Variants in TACC3 observed in about 807,000 individuals in gnomAD.
The protein encoded by TACC3 is transforming acidic coiled-coil-containing protein 3.
TACC3 carries 52 observed loss-of-function variants against 86.0 expected under a neutral mutation model. The observed-to-expected ratio is 0.60, with a 90% CI of 0.48 to 0.76. The LOEUF (loss-of-function observed/expected upper bound fraction) is 0.76, where lower values mean the gene tolerates loss of function less well. Ranked by LOEUF, TACC3 falls within the 30% of genes least tolerant of loss-of-function variation. The probability of loss-of-function intolerance (pLI) is 0.00; values close to 1 mark genes in which losing one functional copy is unlikely to be tolerated. For missense variants in TACC3, 1,120 were observed against 1,070.4 expected (o/e 1.05, Z -0.65); for synonymous variants, 512 against 430.0 (o/e 1.19, Z -2.36).
At position 1,740,978 on chromosome 4, in the gene TACC3, TACCGCAAGGTATGTCTCCGCC is replaced by T; in HGVS notation, c.2219_2223+16del. 1 of 1,606,120 alleles carries T rather than the reference TACCGCAAGGTATGTCTCCGCC, an allele frequency of 6.2e-7. No homozygotes were observed. Among genetic ancestry groups the T allele is most frequent in the East Asian group, 2.2e-5 (1 of 44,770 alleles). ...GAAACAGAAAGAGGTGATCGAGGGC[TACCGCAAGGTATGTCTCCGCC>T]ACCCTGGTGTCCTCACCTCGGAGGC... On this transcript the variant is annotated splice_donor_variant and splice_donor_5th_base_variant and coding_sequence_variant and intron_variant, in exon 13 of 16. Transcript: ENST00000313288. LOFTEE classifies it high-confidence loss of function.
intron 3 of TACC3, among the ~76,000 whole-genome samples, chr4:1,726,266 G>A (rs534581291): frequency 3.3e-5 from 5 of 152,190 alleles, no homozygotes; most frequent in African/African-American, 1.2e-4. Flanking sequence ...CCAGGGAGGC[G>A]TCGCAGAGGC....
At chr4:1,738,708 A>G (rs1441849971) in intron 10 of TACC3, among the ~76,000 whole-genome samples, 2 of 152,230 alleles carry the variant, frequency 1.3e-5, no homozygotes, top group Non-Finnish European at 1.5e-5. Flanking sequence ...TGACACAGGT[A>G]GCCCTACTGC....
Position 1,735,348 on chromosome 4 carries a change from A to G in TACC3, c.1644+23A>G. 6.2e-7 allele frequency: 1 copy of G among 1,613,756 alleles called. No homozygotes were observed. Among genetic ancestry groups the G allele is most frequent in the Non-Finnish European group, 8.5e-7 (1 of 1,179,960 alleles). ...TCGGTAGGTACCAGGCAATTCCGCG[A>G]AGCCTCACCCACAGGGTGTCCGAGA... On this transcript the variant is annotated intron_variant, in intron 7 of 15. Coordinates refer to ENST00000313288, the MANE Select transcript of TACC3 (RefSeq NM_006342.3). The surrounding 1 kb of genome is among the most constrained non-coding windows in gnomAD (Gnocchi z 4.2).
upstream of TACC3, chr4:1,720,889 C>T: frequency 6.6e-7 from 1 of 1,522,204 alleles, no homozygotes; most frequent in South Asian, 1.2e-5. The surrounding 1 kb of genome is among the most constrained non-coding windows in gnomAD (Gnocchi z 4.4). Context: ...GGCGCGCGGA[C>T]GAGGCCGCAG....
chr4:1,726,575 A>G (rs919403915), intron 3 of TACC3, among the ~76,000 whole-genome samples: 1 of 152,206 alleles, frequency 6.6e-6, no homozygotes, highest in Non-Finnish European at 1.5e-5. Context: ...TGTTATCGGA[A>G]TGCTGTCAGG....
Position 1,727,894 on chromosome 4 carries a change from T to C in TACC3, c.492T>C (p.Ser164=), listed in dbSNP as rs192536254. Residue 164 remains serine (S), a synonymous_variant, in exon 4 of 16, where the codon TCT becomes TCC. Transcript: ENST00000313288. ...GCTCTTCCCAGAGCCCAGGAAGTTC[T>C]GAGAACCAAATGGTGTCTCCAGGAA... is the stretch of plus-strand genomic sequence containing the variant. ...CSSSSQSPGS[S]ENQMVSPGKV... is the part of the protein sequence containing the mutation. 133 of 1,613,976 alleles carry C rather than the reference T, an allele frequency of 8.2e-5. No homozygotes were observed. The Middle Eastern group carries it at 1.2e-3, about 14-fold the overall frequency.
chr4:1,728,329 G>C lies in TACC3; in HGVS notation c.927G>C (p.Val309=). Residue 309 remains valine, a synonymous_variant, in exon 4 of 16, where the codon GTG becomes GTC. Transcript: ENST00000313288. Reference sequence around the variant, plus strand: ...GCACAGCCCCAACCAACCACCTGGTGGCTGGCAGGGCCATGACCCTGAGTC... The same window carrying C: ...GCACAGCCCCAACCAACCACCTGGTCGCTGGCAGGGCCATGACCCTGAGTC... ...PESTAPTNHL[V]AGRAMTLSPQ... The C allele has an allele frequency of 6.2e-7, 1 of 1,613,062 alleles. No homozygotes were observed. Among genetic ancestry groups the C allele is most frequent in the Non-Finnish European group, 8.5e-7 (1 of 1,180,038 alleles).
rs151304424 is a variant in TACC3 at position 1,737,604 on chromosome 4, G to C, written c.1843G>C (p.Gly615Arg). The C allele has an allele frequency of 1.3e-6, 2 of 1,512,016 alleles. No individual in the cohort carries two copies. The highest frequency in any genetic ancestry group is 2.8e-5 in the African/African-American group (2 of 72,036). The allele number at this position is 1,512,016 out of a possible 1,614,324, so 93.7% of individuals were successfully genotyped here. Residue 615 changes from glycine (G) to arginine (R), a missense_variant, in exon 10 of 16, where the codon GGC becomes CGC. By Grantham distance (125) the Gly-to-Arg change is moderately radical. Coordinates refer to ENST00000313288, the MANE Select transcript of TACC3 (RefSeq NM_006342.3). The part of the protein sequence containing the change: ...FLGALDIPVP[G>R]PPPGVPAPGG... ...TCATCCCCATCTCCCGCAGGTGCCA[G>C]GCCCACCCCCAGGTGTTCCCGCGCC...
intron 8 of TACC3, among the ~76,000 whole-genome samples, chr4:1,736,214 A>G (rs919143901): frequency 2.0e-5 from 3 of 152,166 alleles, no homozygotes; most frequent in African/African-American, 7.2e-5. Flanking sequence ...GCCTCAGCTC[A>G]GGAGTTTGCC....
chr4:1,737,768 G>A (rs1453910196), intron 10 of TACC3, 66 bp downstream of exon 10: 67 of 1,431,608 alleles, frequency 4.7e-5, no homozygotes, highest in Non-Finnish European at 6.4e-5. Context: ...GCCAACAGTG[G>A]GCAGGGGTCC....
rs1430127240 is a variant in TACC3, at chr4:1,744,638, G to C, written c.2330+14G>C. On this transcript the variant is annotated intron_variant, in intron 14 of 15. Transcript: ENST00000313288. ...GAAGCTGCAGCTGTGAGTGCTGGGC[G>C]AGGCCCCACCCTGGAGGGAGAATCT... 1.2e-6 allele frequency: 2 copies of C among 1,612,514 alleles called. No homozygotes were observed. Among genetic ancestry groups the C allele is most frequent in the Admixed American group, 3.3e-5 (2 of 59,996 alleles).
chr4:1,733,934 C>T (rs1232962893), intron 6 of TACC3, among the ~76,000 whole-genome samples: 5 of 150,128 alleles, frequency 3.3e-5, no homozygotes, highest in African/African-American at 7.4e-5. Flanking sequence ...GCCGAGATGG[C>T]GCCACCGCAC....
Position 1,740,053 on chromosome 4 carries a change from G to A in TACC3, c.2062+51G>A, listed in dbSNP as rs1184185233. ...CGTGCCTCCACGAGGGGCTGCCTAT[G>A]CCCCACCCTGGCCCTGCCCTGCACC... is the stretch of plus-strand genomic sequence containing the variant. On this transcript the variant is annotated intron_variant, in intron 12 of 15. Coordinates refer to ENST00000313288, the MANE Select transcript of TACC3 (RefSeq NM_006342.3). 6 of 1,598,214 alleles carry A rather than the reference G, an allele frequency of 3.8e-6. No individual in the cohort carries two copies. In the African/African-American group the frequency reaches 6.7e-5, roughly 18 times the overall value.
Position 1,728,453 on chromosome 4 carries a change from G to C in TACC3, c.1051G>C (p.Ala351Pro). The change falls in exon 4 of 16, where the codon GCA (alanine) becomes CCA (proline). Residue 351 changes from alanine (A) to proline (P), a missense_variant. By Grantham distance (27) the Ala-to-Pro change is conservative (BLOSUM62 -1). Coordinates refer to ENST00000313288, the MANE Select transcript of TACC3 (RefSeq NM_006342.3). ...DVSDGATSKR[A>P]PPPRRLGERS... ...ATCTGATGGCGCCACCAGCAAAAGG[G>C]CACCCCCACCAAGGAGACTGGGAGA... 1 of 1,613,774 alleles carries C rather than the reference G, an allele frequency of 6.2e-7. No homozygotes were observed. The highest frequency in any genetic ancestry group is 8.5e-7 in the Non-Finnish European group (1 of 1,179,992).
chr4:1,740,420 C>T (rs1381127427), intron 12 of TACC3: 2 of 349,124 alleles, frequency 5.7e-6, no homozygotes, highest in East Asian at 5.9e-5. Context: ...GGAGGTGCTA[C>T]TGTGGGGATC....
In TACC3 at chr4:1,744,959, C is replaced by CA. The variant is rs1718777531; in HGVS notation, c.2463_2464insA (p.Glu822ArgfsTer59). The CA allele has an allele frequency of 1.2e-5, 20 of 1,611,832 alleles. No individual in the cohort carries two copies. Among genetic ancestry groups the CA allele is most frequent in the Non-Finnish European group, 1.6e-5 (19 of 1,179,590 alleles). On this transcript the variant is annotated frameshift_variant, in exon 16 of 16. Transcript: ENST00000313288. LOFTEE classifies it high-confidence loss of function. The stretch of plus-strand genomic sequence containing the variant: ...TCTTCCTCCTCCAGACTAAAGAGAA[C>CA]GAGGAGCTGACCAGGATCTGCGACG...
At position 1,731,233 on chromosome 4, in the gene TACC3, T is replaced by C. The variant is rs763670263; in HGVS notation, c.1523T>C (p.Val508Ala). 3 of 1,613,252 alleles carry C rather than the reference T, an allele frequency of 1.9e-6. No homozygotes were observed. Among genetic ancestry groups the C allele is most frequent in the Admixed American group, 1.7e-5 (1 of 60,006 alleles). ...ACAAGCTGTCCAGGCAGTGAGCCAG[T>C]GCCCACCCATCAGCAGGGGCAGCCT... Reference protein sequence around the residue: ...LPTSCPGSEPVPTHQQGQPAL... With the variant: ...LPTSCPGSEPAPTHQQGQPAL... Residue 508 changes from valine to alanine, a missense_variant, in exon 6 of 16, where the codon GTG becomes GCG. Coordinates refer to ENST00000313288, the MANE Select transcript of TACC3 (RefSeq NM_006342.3).
chr4:1,723,788 G>C lies in TACC3; in HGVS notation c.223G>C (p.Ala75Pro), dbSNP rs568321568. The stretch of plus-strand genomic sequence containing the variant: ...GCACAGGATTCTAAGTCCTAGCATG[G>C]CCAGCAAACTTGAGGCTCCTTTCAC... ...QTHRILSPSMASKLEAPFTQD... is the reference protein window; with the variant it reads ...QTHRILSPSMPSKLEAPFTQD... Residue 75 changes from alanine (A) to proline (P), a missense_variant, in exon 3 of 16, where the codon GCC (alanine) becomes CCC (proline). Coordinates refer to ENST00000313288, the MANE Select transcript of TACC3 (RefSeq NM_006342.3). 1.2e-6 allele frequency: 2 copies of C among 1,613,824 alleles called. No homozygotes were observed. Among genetic ancestry groups the C allele is most frequent in the East Asian group, 2.2e-5 (1 of 44,888 alleles).
At chr4:1,739,934 C>T (rs1392206612) in intron 11 of TACC3, 25 bp from the exon 12 acceptor site, 2 of 1,612,994 alleles carry the variant, frequency 1.2e-6, no homozygotes, top group Non-Finnish European at 1.7e-6. Flanking sequence ...GAGGCAATGG[C>T]TGTGTGTCTG....
Sources: gnomAD v4.1 joint callset for allele counts (sites outside exome capture counted in the v4.1 genomes callset) on GRCh38, gnomAD v4.1.1 for gene constraint, Gnocchi (gnomAD v3.1) non-coding constraint, MANE v1.5 for transcripts, NCBI Gene and HGNC (gene_info 2026-07-23, HGNC 2026-07-21) for gene names.